Variants in FAF1 observed in about 807,000 individuals in gnomAD.
The protein encoded by FAF1 is FAS-associated factor 1.
In FAF1, 25 loss-of-function variants were observed where a neutral mutation model predicts 92.5. The ratio of observed to expected loss-of-function variants is 0.27; its 90% confidence interval spans 0.20 to 0.38. FAF1 has a LOEUF of 0.38. FAF1 is among the 10% of genes least tolerant of loss of function. The probability of loss-of-function intolerance (pLI) is 1.00; values close to 1 mark genes in which losing one functional copy is unlikely to be tolerated. For synonymous variants in FAF1, 234 were observed against 273.2 expected (o/e 0.86, Z 1.42); for missense variants, 636 against 793.3 (o/e 0.80, Z 2.38).
intron 4 of FAF1, among the ~76,000 whole-genome samples, chr1:50,779,582 T>G (rs1020930692): frequency 5.3e-5 from 8 of 151,130 alleles, no homozygotes; most frequent in African/African-American, 1.2e-4. Context: ...ATATAGAAAA[T>G]TATATATAAA....
chr1:50,490,384 AAAGGAAGGAAGG>A (rs199911582), intron 17 of FAF1, among the ~76,000 whole-genome samples, 192 bp downstream of exon 17: 1,549 of 34,792 alleles, frequency 0.045, 29 homozygotes, highest in East Asian at 0.063. Flanking sequence ...TCTATCTCAA[AAAGGAAGGAAGG>A]AAGGAAGGAA....
intron 15 of FAF1, among the ~76,000 whole-genome samples, chr1:50,518,328 C>T (rs1046816756): frequency 2.0e-5 from 3 of 152,088 alleles, no homozygotes; most frequent in South Asian, 2.1e-4. Context: ...TATGCTTATT[C>T]GTTTAACCCA....
Position 50,583,743 on chromosome 1 carries a change from AAAC to A in FAF1, c.968-31_968-29del. 6.8e-7 allele frequency: 1 copy of A among 1,463,252 alleles called. No homozygotes were observed. Among genetic ancestry groups the A allele is most frequent in the Non-Finnish European group, 9.4e-7 (1 of 1,061,566 alleles). The allele number at this position is 1,463,252 out of a possible 1,614,324, so 90.6% of individuals were successfully genotyped here. A position where few individuals can be genotyped will look rare whatever the true frequency, so the allele number is the denominator to read the frequency against. Reference sequence around the variant, plus strand: ...AAAAAACAAACAAAAGAAAAAACAAAAACAAAAAAACAAAACAAATAGACACAA... The same window carrying A: ...AAAAAACAAACAAAAGAAAAAACAAAAAAAAAACAAAACAAATAGACACAA... On this transcript the variant is annotated intron_variant, in intron 10 of 18. Transcript: ENST00000396153. This position sits in a 1 kb window ranked among gnomAD's most constrained non-coding sequence, Gnocchi z 4.2.
At chr1:50,522,349 T>C (rs562534819) in intron 15 of FAF1, among the ~76,000 whole-genome samples, 233 of 152,250 alleles carry the variant, frequency 1.5e-3, no homozygotes, top group Non-Finnish European at 2.4e-3. Flanking sequence ...GCAAATTGCT[T>C]AACCTCTATA....
At chr1:50,917,479 G>T (rs1202860393) in intron 1 of FAF1, among the ~76,000 whole-genome samples, 1 of 152,024 alleles carries the variant, frequency 6.6e-6, no homozygotes, top group Non-Finnish European at 1.5e-5. Flanking sequence ...CATAATGCCA[G>T]ATTTTTTGCC....
At chr1:50,928,782 C>CAAAAAAAAAAAAAAAAAAA (rs1157426126) in intron 1 of FAF1, among the ~76,000 whole-genome samples, 16 of 39,712 alleles carry the variant, frequency 4.0e-4, no homozygotes, top group East Asian at 8.5e-4. Context: ...GACTCCACCT[C>CAAAAAAAAAAAAAAAAAAA]AAAAAAAAAA....
At chr1:50,809,959 A>G (rs1311882520) in intron 2 of FAF1, among the ~76,000 whole-genome samples, 4 of 152,208 alleles carry the variant, frequency 2.6e-5, no homozygotes. Context: ...TTGGTTTAAT[A>G]CACACAAATC....
intron 1 of FAF1, among the ~76,000 whole-genome samples, chr1:50,883,900 G>A (rs138664153): frequency 0.013 from 1,983 of 152,058 alleles, 43 homozygotes; most frequent in African/African-American, 0.044. Flanking sequence ...TGAGGCAGGC[G>A]GATCACCTGA....
chr1:50,448,533 T>A (rs532891878), intron 18 of FAF1, among the ~76,000 whole-genome samples: 2 of 152,294 alleles, frequency 1.3e-5, no homozygotes, highest in African/African-American at 4.8e-5. Context: ...ATTTGCCTGG[T>A]GAATTTGGGA....
intron 12 of FAF1, among the ~76,000 whole-genome samples, chr1:50,571,743 G>A (rs994657375): frequency 2.2e-4 from 33 of 152,238 alleles, no homozygotes; most frequent in African/African-American, 7.2e-4. Context: ...AATGTGACTT[G>A]GCCTTGAGCT....
At chr1:50,523,795 A>C (rs1405079440) in intron 15 of FAF1, among the ~76,000 whole-genome samples, 1 of 152,012 alleles carries the variant, frequency 6.6e-6, no homozygotes, top group Non-Finnish European at 1.5e-5. Context: ...TCTCCCATTG[A>C]TGGGCATTTA....
chr1:50,816,995 T>C (rs1317423264), intron 2 of FAF1, among the ~76,000 whole-genome samples: 1 of 152,186 alleles, frequency 6.6e-6, no homozygotes, highest in African/African-American at 2.4e-5. Context: ...TGGCTGTAGG[T>C]GTGCAGCATT....
Position 50,437,998 on chromosome 1 carries a change from G to A in FAF1, c.*3442C>T, listed in dbSNP as rs1052019064. The A allele has an allele frequency of 2.3e-5, 3 of 131,970 alleles. No individual in the cohort carries two copies. Among genetic ancestry groups the A allele is most frequent in the African/African-American group, 9.0e-5 (3 of 33,494 alleles). 8.2% of individuals were successfully genotyped at this position (131,970 alleles called of 1,614,324 possible). A position where few individuals can be genotyped will look rare whatever the true frequency, so the allele number is the denominator to read the frequency against. ...AGATCGTGCCACTGCACTCTAGCCT[G>A]AGCGACAGAGCGAGACTCTGTCTCA... On this transcript the variant is annotated 3_prime_UTR_variant, in exon 19 of 19. Coordinates refer to ENST00000396153, the MANE Select transcript of FAF1 (RefSeq NM_007051.3).
intron 1 of FAF1, among the ~76,000 whole-genome samples, chr1:50,892,292 CGCTTCAT>C (rs1208162404): frequency 1.6e-4 from 24 of 152,354 alleles, no homozygotes; most frequent in African/African-American, 5.0e-4. Context: ...AATTCCCTGA[CGCTTCAT>C]GCTTCCTGGG....
chr1:50,864,373 G>T (rs1420218862), intron 1 of FAF1, among the ~76,000 whole-genome samples: 1 of 149,280 alleles, frequency 6.7e-6, no homozygotes, highest in Non-Finnish European at 1.5e-5. Context: ...ACACTGCTTT[G>T]AATGTGTCCC....
intron 3 of FAF1, among the ~76,000 whole-genome samples, chr1:50,795,597 G>A (rs1028182663): frequency 6.6e-6 from 1 of 152,160 alleles, no homozygotes; most frequent in Non-Finnish European, 1.5e-5. Context: ...TTATATCAGT[G>A]TCCAAAACAC....
chr1:50,538,862 A>C (rs1648621025), intron 14 of FAF1, among the ~76,000 whole-genome samples: 1 of 152,192 alleles, frequency 6.6e-6, no homozygotes, highest in Non-Finnish European at 1.5e-5. Flanking sequence ...ATTTACACAT[A>C]TCCCCTCCTC....
intron 18 of FAF1, chr1:50,451,659 T>C (rs532496533): frequency 6.0e-6 from 1 of 165,742 alleles, no homozygotes; most frequent in South Asian, 2.0e-4. Flanking sequence ...AGTGTATTAT[T>C]ACCTTAGGCA....
intron 15 of FAF1, among the ~76,000 whole-genome samples, chr1:50,523,093 T>C (rs1453089994): frequency 2.0e-5 from 3 of 152,224 alleles, no homozygotes; most frequent in Non-Finnish European, 4.4e-5. Context: ...CATTTATCAG[T>C]ACTTCAATCC....
Sources: gnomAD v4.1 joint callset for allele counts (sites outside exome capture counted in the v4.1 genomes callset) on GRCh38, gnomAD v4.1.1 for gene constraint, Gnocchi (gnomAD v3.1) non-coding constraint, MANE v1.5 for transcripts, NCBI Gene and HGNC (gene_info 2026-07-23, HGNC 2026-07-21) for gene names.